Variants in CEP63 observed in about 807,000 individuals in gnomAD.
The protein encoded by CEP63 is centrosomal protein of 63 kDa.
CEP63 carries 84 observed loss-of-function variants against 89.1 expected under a neutral mutation model. The observed-to-expected ratio is 0.94, with a 90% CI of 0.79 to 1.13. CEP63 has a LOEUF of 1.13. Ranked by LOEUF, CEP63 falls within the 50% of genes most tolerant of loss-of-function variation. CEP63 has a pLI of 0.00. For synonymous variants in CEP63, 267 were observed against 272.5 expected, an observed-to-expected ratio of 0.98 and a Z score of 0.20; for missense variants, 838 against 813.3, an observed-to-expected ratio of 1.03 and a Z score of -0.37.
intron 4 of CEP63, 65 bp from the exon 5 acceptor site, chr3:134,532,713 A>G: frequency 5.1e-6 from 7 of 1,380,946 alleles, no homozygotes; most frequent in African/African-American, 1.4e-5. Context: ...CATAATACCA[A>G]TTTGTCTCAC....
At chr3:134,588,121 C>T (rs951513328), downstream of CEP63, among the ~76,000 whole-genome samples, 2 of 151,950 alleles carry the variant, frequency 1.3e-5, no homozygotes, top group African/African-American at 2.4e-5. Flanking sequence ...GGCAAAACCC[C>T]GTCTCTACTA....
intron 1 of CEP63, among the ~76,000 whole-genome samples, chr3:134,489,848 ATG>A (rs1937015171): frequency 6.6e-6 from 1 of 152,208 alleles, no homozygotes; most frequent in Non-Finnish European, 1.5e-5. Context: ...ACCTATAATC[ATG>A]AACTTATAGA....
chr3:134,708,053 C>G, the CEP63 span, among the ~76,000 whole-genome samples: 2 of 152,130 alleles, frequency 1.3e-5, no homozygotes, highest in East Asian at 3.9e-4. Context: ...AGGGCAGTCA[C>G]TAATCCTAGG....
chr3:134,677,355 G>C, the CEP63 span, among the ~76,000 whole-genome samples: 1 of 152,248 alleles, frequency 6.6e-6, no homozygotes, highest in South Asian at 2.1e-4. Flanking sequence ...TGCTGTTTCC[G>C]TTTCCATGTG....
At chr3:134,632,261 A>C in the CEP63 span, among the ~76,000 whole-genome samples, 1 of 152,094 alleles carries the variant, frequency 6.6e-6, no homozygotes, top group Non-Finnish European at 1.5e-5. Flanking sequence ...ACAATGAATA[A>C]AATTTATTTG....
At chr3:134,510,056 A>G (rs1386317458) in intron 3 of CEP63, among the ~76,000 whole-genome samples, 1 of 152,204 alleles carries the variant, frequency 6.6e-6, no homozygotes, top group Non-Finnish European at 1.5e-5. Context: ...GAGGGAGAGA[A>G]TTAACAGCCT....
In CEP63 at chr3:134,558,187, G is replaced by C; in HGVS notation, c.1513G>C (p.Ala505Pro). 1.2e-6 allele frequency: 2 copies of C among 1,613,586 alleles called. No homozygotes were observed. The highest frequency in any genetic ancestry group is 1.7e-6 in the Non-Finnish European group (2 of 1,179,670). Residue 505 changes from alanine to proline, a missense_variant, in exon 13 of 15, where the codon GCA (alanine) becomes CCA (proline). By Grantham distance (27) the Ala-to-Pro change is conservative (BLOSUM62 -1). Transcript: ENST00000675561. The stretch of plus-strand genomic sequence containing the variant: ...AGACCTCCAGGAGAATTATATTGAG[G>C]CATTAAATAAATTAGTGTCTGAAAA... The part of the protein sequence containing the change: ...LADLQENYIE[A>P]LNKLVSENQQ...
At chr3:134,675,425 ACT>A in the CEP63 span, among the ~76,000 whole-genome samples, 3 of 152,200 alleles carry the variant, frequency 2.0e-5, no homozygotes, top group African/African-American at 4.8e-5. Flanking sequence ...AAACTATAAA[ACT>A]CTTAGAAGAA....
At chr3:134,571,253 C>T (rs1394875878) in intron 11 of CEP63, among the ~76,000 whole-genome samples, 1 of 152,254 alleles carries the variant, frequency 6.6e-6, no homozygotes, top group Non-Finnish European at 1.5e-5. Context: ...CCTCAGCCTC[C>T]TCTGTTGCTT....
At chr3:134,532,009 A>T in intron 4 of CEP63, 69 bp downstream of exon 4, 1 of 1,062,704 alleles carries the variant, frequency 9.4e-7, no homozygotes, top group South Asian at 1.3e-5. Context: ...AACTTTGTTA[A>T]TGAAAGCCAG....
chr3:134,485,960 G>C (rs1462272992), upstream of CEP63: 5 of 979,636 alleles, frequency 5.1e-6, no homozygotes, highest in Admixed American at 1.3e-4. Context: ...ACCGGCACCC[G>C]GCCACCGCGG....
the CEP63 span, among the ~76,000 whole-genome samples, chr3:134,661,870 A>C: frequency 1.3e-5 from 2 of 148,680 alleles, no homozygotes. Flanking sequence ...CAAGAGGTGG[A>C]GGCTTTGGGA....
chr3:134,620,476 A>G, the CEP63 span, among the ~76,000 whole-genome samples: 5 of 152,186 alleles, frequency 3.3e-5, no homozygotes, highest in African/African-American at 7.2e-5. Context: ...GACAGAGGGA[A>G]GGCTGCTGCT....
chr3:134,643,518 C>G, the CEP63 span: 2 of 650,214 alleles, frequency 3.1e-6, no homozygotes, highest in Non-Finnish European at 5.5e-6. Context: ...TGCACACCCT[C>G]ACAGTGTGCA....
chr3:134,583,536 T>A (rs1030306799), intron 10 of CEP63, among the ~76,000 whole-genome samples: 1 of 152,202 alleles, frequency 6.6e-6, no homozygotes, highest in Non-Finnish European at 1.5e-5. Flanking sequence ...TCCATTGGTC[T>A]ATATATCTGT....
the CEP63 span, among the ~76,000 whole-genome samples, chr3:134,626,565 C>T: frequency 6.6e-6 from 1 of 152,186 alleles, no homozygotes; most frequent in African/African-American, 2.4e-5. Context: ...GGTGCATTTG[C>T]CCACACGTCG....
the CEP63 span, among the ~76,000 whole-genome samples, chr3:134,596,706 A>G: frequency 1.3e-5 from 2 of 152,212 alleles, no homozygotes; most frequent in African/African-American, 4.8e-5. Context: ...CCAAACACCT[A>G]CTGTGTGCCG....
At chr3:134,682,963 C>G in the CEP63 span, among the ~76,000 whole-genome samples, 1 of 152,210 alleles carries the variant, frequency 6.6e-6, no homozygotes, top group African/African-American at 2.4e-5. Flanking sequence ...ACCCTAGATT[C>G]TATGAACAAA....
At chr3:134,553,482 A>T (rs905618967) in intron 12 of CEP63, 2 of 152,202 alleles carry the variant, frequency 1.3e-5, no homozygotes, top group Non-Finnish European at 2.9e-5. Flanking sequence ...TAAGGAAAAG[A>T]TAATCTAGTA....
Sources: allele counts gnomAD v4.1 joint callset (sites outside exome capture counted in the v4.1 genomes callset), GRCh38; gene constraint gnomAD v4.1.1; transcripts MANE v1.5; gene names NCBI Gene and HGNC (gene_info 2026-07-23, HGNC 2026-07-21).